Variants in CDIN1 observed in about 807,000 individuals in gnomAD.
The protein encoded by CDIN1 is CDAN1-interacting nuclease 1.
A neutral mutation model predicts 45.3 loss-of-function variants in CDIN1; 33 were observed. The ratio of observed to expected loss-of-function variants is 0.73; its 90% CI spans 0.55 to 0.97. The LOEUF is 0.97. Among genes scored for constraint, CDIN1 ranks in the 50% least tolerant of loss-of-function variants. The pLI is 0.00. For synonymous variants in CDIN1, 118 were observed against 124.4 expected, an observed-to-expected ratio of 0.95 and a Z score of 0.34; for missense variants, 303 against 339.4, an observed-to-expected ratio of 0.89 and a Z score of 0.84.
At chr15:36,690,713 G>C (rs182191700) in intron 5 of CDIN1, among the ~76,000 whole-genome samples, 1 of 152,260 alleles carries the variant, frequency 6.6e-6, no homozygotes, top group East Asian at 1.9e-4. Flanking sequence ...ATTTTAATTT[G>C]TGCTTGTGTG....
chr15:36,788,104 A>ATT (rs2054548783), intron 10 of CDIN1, among the ~76,000 whole-genome samples: 5 of 34,468 alleles, frequency 1.5e-4, no homozygotes, highest in African/African-American at 5.4e-4. Flanking sequence ...ATATATATAT[A>ATT]TATTTTTTTT....
intron 1 of CDIN1, among the ~76,000 whole-genome samples, chr15:36,643,341 A>C (rs1015806013): frequency 6.6e-6 from 1 of 152,192 alleles, no homozygotes; most frequent in Non-Finnish European, 1.5e-5. Flanking sequence ...ATTACCTGTG[A>C]TGAGCTTAAG....
chr15:36,614,085 A>AG (rs1468821214), intron 1 of CDIN1: 2 of 861,420 alleles, frequency 2.3e-6, no homozygotes, highest in African/African-American at 3.3e-5. Context: ...GAGTTTGCTG[A>AG]GAGATCGGTA....
intron 10 of CDIN1, chr15:36,755,837 G>A (rs374379973): frequency 1.8e-5 from 4 of 222,364 alleles, no homozygotes; most frequent in African/African-American, 9.3e-5. Context: ...TGAATCTTGA[G>A]CCTTTATTTA....
chr15:36,605,270 G>T (rs1429645200), intron 1 of CDIN1, among the ~76,000 whole-genome samples: 1 of 152,038 alleles, frequency 6.6e-6, no homozygotes. Context: ...TTTATAAACT[G>T]CAAAGACTTT....
intron 10 of CDIN1, among the ~76,000 whole-genome samples, chr15:36,779,808 G>A (rs1423826115): frequency 6.6e-6 from 1 of 152,116 alleles, no homozygotes; most frequent in Non-Finnish European, 1.5e-5. Flanking sequence ...TTAGAGGAAG[G>A]ATGCTCTGAA....
intron 10 of CDIN1, among the ~76,000 whole-genome samples, chr15:36,788,774 T>C (rs1175776454): frequency 1.3e-5 from 2 of 152,178 alleles, no homozygotes; most frequent in Non-Finnish European, 1.5e-5. Context: ...TAAGGACTCA[T>C]TTGATAAATG....
chr15:36,691,267 C>G, intron 5 of CDIN1: 1 of 499,622 alleles, frequency 2.0e-6, no homozygotes, highest in South Asian at 1.4e-5. Flanking sequence ...TTAGTGAAGA[C>G]AGGTCAGATT....
At chr15:36,803,322 T>C (rs2055112022) in intron 10 of CDIN1, among the ~76,000 whole-genome samples, 1 of 151,536 alleles carries the variant, frequency 6.6e-6, no homozygotes, top group Non-Finnish European at 1.5e-5. Flanking sequence ...TACCTGGCAC[T>C]GATCCTCGGC....
rs547336601 is a variant in CDIN1 at position 36,765,061 on chromosome 15, CT to C, written c.717-43250del. Among the ~76,000 whole-genome samples the C allele has an allele frequency of 6.9e-4, 99 of 143,252 alleles. 1 individual carries two copies. The highest frequency in any genetic ancestry group is 7.5e-3 in the Middle Eastern group (2 of 266). 94.0% of individuals were successfully genotyped at this position (143,252 alleles called of 152,430 possible). On this transcript the variant is annotated intron_variant, in intron 10 of 10. Transcript: ENST00000566621. The stretch of plus-strand genomic sequence containing the variant: ...TCTTTTCTTTTATTTTTCTTTCTTT[CT>C]TTTTTTTTTTTTAGATGGAGTCTCG...
At chr15:36,608,973 G>GTATA (rs931944251) in intron 1 of CDIN1, among the ~76,000 whole-genome samples, 5 of 131,536 alleles carry the variant, frequency 3.8e-5, no homozygotes, top group African/African-American at 9.3e-5. Context: ...ATGTATGTGT[G>GTATA]TATATAGATA....
chr15:36,745,692 G>A (rs1005325918), intron 10 of CDIN1, among the ~76,000 whole-genome samples: 5 of 152,248 alleles, frequency 3.3e-5, no homozygotes, highest in Admixed American at 2.6e-4. Context: ...GAGGCCGGGT[G>A]CAGTGGCTCA....
chr15:36,699,224 A>G (rs367561746), intron 8 of CDIN1, among the ~76,000 whole-genome samples: 28 of 152,294 alleles, frequency 1.8e-4, no homozygotes, highest in African/African-American at 5.5e-4. Context: ...GTAGCACTGA[A>G]TTAACATATG....
At chr15:36,717,217 C>A (rs1305464219) in intron 10 of CDIN1, among the ~76,000 whole-genome samples, 3 of 152,242 alleles carry the variant, frequency 2.0e-5, no homozygotes, top group Admixed American at 6.6e-5. Flanking sequence ...TTAAAGAGTA[C>A]AATTTAATGT....
chr15:36,703,633 C>G lies in CDIN1; in HGVS notation c.545-5590C>G, dbSNP rs2042756813. Among the ~76,000 whole-genome samples, 4 of 151,952 alleles carry G rather than the reference C, an allele frequency of 2.6e-5. No homozygotes were observed. The South Asian group carries it at 8.3e-4, about 32-fold the overall frequency. The stretch of plus-strand genomic sequence containing the variant: ...AGGCTAGGGTTTTGCTCACCATAAC[C>G]AAAGGCATTGGGGGTCAAACACGTT... On this transcript the variant is annotated intron_variant, in intron 8 of 10. Coordinates refer to ENST00000566621, the MANE Select transcript of CDIN1 (RefSeq NM_001321759.2).
chr15:36,616,879 C>T (rs2038919331), intron 1 of CDIN1, among the ~76,000 whole-genome samples: 3 of 151,934 alleles, frequency 2.0e-5, no homozygotes, highest in South Asian at 2.1e-4. Context: ...GAGCCGAGAT[C>T]GTGCTACTGC....
At chr15:36,683,042 A>G (rs1316803504) in intron 5 of CDIN1, among the ~76,000 whole-genome samples, 5 of 152,206 alleles carry the variant, frequency 3.3e-5, no homozygotes, top group Non-Finnish European at 7.3e-5. Flanking sequence ...TCCTGATTGG[A>G]GTGAATGTAT....
intron 5 of CDIN1, among the ~76,000 whole-genome samples, chr15:36,685,891 A>G (rs1249266580): frequency 6.6e-6 from 1 of 152,254 alleles, no homozygotes; most frequent in East Asian, 1.9e-4. Flanking sequence ...AATGGCAATC[A>G]TTAAAAAGTC....
In CDIN1 at chr15:36,648,074, T is replaced by C. The variant is rs992858968; in HGVS notation, c.212+2787T>C. Among the ~76,000 whole-genome samples, 22 of 152,094 alleles carry C rather than the reference T, an allele frequency of 1.4e-4. No individual in the cohort carries two copies. The South Asian group carries it at 4.2e-3, about 29-fold the overall frequency. On this transcript the variant is annotated intron_variant, in intron 3 of 10. Coordinates refer to ENST00000566621, the MANE Select transcript of CDIN1 (RefSeq NM_001321759.2). Reference sequence around the variant, plus strand: ...CAGGATGGTCTCGATCTCCTGACCTTGTGATCCGGCCGCCTCGGCCTCCCA... The same window carrying C: ...CAGGATGGTCTCGATCTCCTGACCTCGTGATCCGGCCGCCTCGGCCTCCCA...
Sources: gnomAD v4.1 joint callset for allele counts (sites outside exome capture counted in the v4.1 genomes callset) on GRCh38, gnomAD v4.1.1 for gene constraint, MANE v1.5 for transcripts, NCBI Gene and HGNC (gene_info 2026-07-23, HGNC 2026-07-21) for gene names.